The following SHANK1 variants were observed in gnomAD, a reference collection of about 807,000 sequenced individuals.
SHANK1 encodes the protein SH3 and multiple ankyrin repeat domains 1.
SHANK1 carries 35 observed loss-of-function variants against 165.6 expected under a neutral mutation model. That is an observed-to-expected ratio of 0.21 (90% CI 0.16 to 0.28). The LOEUF (loss-of-function observed/expected upper bound fraction) is 0.28. Among genes scored for constraint, SHANK1 ranks in the 10% least tolerant of loss-of-function variants. The pLI is 1.00. For synonymous variants in SHANK1, 1,428 were observed against 1,384.8 expected (o/e 1.03, Z -0.69); for missense variants, 2,681 against 3,036.4 (o/e 0.88, Z 2.75).
Position 50,662,755 on chromosome 19 carries a change from G to T in SHANK1, c.5769-73C>A. 1 of 1,522,628 alleles carries T rather than the reference G, an allele frequency of 6.6e-7. No individual in the cohort carries two copies. The highest frequency in any genetic ancestry group is 8.9e-7 in the Non-Finnish European group (1 of 1,124,204). 94.3% of individuals were successfully genotyped at this position (1,522,628 alleles called of 1,614,324 possible). On this transcript the variant is annotated intron_variant, in intron 23 of 23. Transcript: ENST00000293441. The surrounding 1 kb of genome is among the most constrained non-coding windows in gnomAD (Gnocchi z 7.7). ...CAAGGGCAGGGGTGAGAAAGAGGCA[G>T]AGGTCAAGATATAGGGAGAGAGGAG...
In SHANK1 at chr19:50,688,811, G is replaced by A; in HGVS notation, c.2172+33C>T. 1.3e-6 allele frequency: 2 copies of A among 1,592,722 alleles called. No individual in the cohort carries two copies. The highest frequency in any genetic ancestry group is 1.7e-6 in the Non-Finnish European group (2 of 1,167,876). Reference sequence around the variant, plus strand: ...TGAGGGGGTCTGGGAACTTGTCACAGGGTCCCAGGGAAGAGAGGGGGCCTG... The same window carrying A: ...TGAGGGGGTCTGGGAACTTGTCACAAGGTCCCAGGGAAGAGAGGGGGCCTG... On this transcript the variant is annotated intron_variant, in intron 17 of 23. Coordinates refer to ENST00000293441, the MANE Select transcript of SHANK1 (RefSeq NM_016148.5). The surrounding 1 kb of genome is among the most constrained non-coding windows in gnomAD (Gnocchi z 6.7).
chr19:50,710,370 C>T (rs1345004379), intron 8 of SHANK1, among the ~76,000 whole-genome samples: 1 of 152,166 alleles, frequency 6.6e-6, no homozygotes, highest in East Asian at 1.9e-4. Flanking sequence ...TGGAAGACTT[C>T]CTGGAGGAAG....
Position 50,697,050 on chromosome 19 carries a change from T to G in SHANK1, c.1964+46A>C. The G allele has an allele frequency of 6.9e-6, 10 of 1,452,944 alleles. No individual in the cohort carries two copies. Among genetic ancestry groups the G allele is most frequent in the Non-Finnish European group, 9.6e-6 (10 of 1,044,386 alleles). 90.0% of individuals were successfully genotyped at this position (1,452,944 alleles called of 1,614,324 possible). On this transcript the variant is annotated intron_variant, in intron 15 of 23. Transcript: ENST00000293441. This position sits in a 1 kb window ranked among gnomAD's most constrained non-coding sequence, Gnocchi z 4.7. ...GTTCACACGCCCCCCAGGCACCCCG[T>G]CCTTCCCCTCCTGACCCCATCCCCT... is the stretch of plus-strand genomic sequence containing the variant.
At position 50,668,712 on chromosome 19, in the gene SHANK1, C is replaced by G; in HGVS notation, c.3248G>C (p.Arg1083Pro). The change falls in exon 23 of 24, where the codon CGC becomes CCC. Residue 1083 changes from arginine (R) to proline (P), a missense_variant. By Grantham distance (103) the Arg-to-Pro change is moderately radical. Transcript: ENST00000293441. ...CGCCCGCGGGGGCAGCTGGAAATAGCGTAGAGCCGGGCCCTGGGAGGAGCC... is the reference window on the plus strand; with the variant it reads ...CGCCCGCGGGGGCAGCTGGAAATAGGGTAGAGCCGGGCCCTGGGAGGAGCC... ...GGGSSQGPAL[R>P]YFQLPPRAAS... 1 of 1,291,282 alleles carries G rather than the reference C, an allele frequency of 7.7e-7. No homozygotes were observed. Among genetic ancestry groups the G allele is most frequent in the Non-Finnish European group, 9.7e-7 (1 of 1,026,420 alleles). The allele number at this position is 1,291,282 out of a possible 1,614,324, so 80.0% of individuals were successfully genotyped here.
rs1265410577 is a variant in SHANK1, at chr19:50,666,682, G to A, written c.5278C>T (p.Arg1760Trp). ...QLMTPSKLRGRALGASGGLRP... is the reference protein window; with the variant it reads ...QLMTPSKLRGWALGASGGLRP... ...AGGCCTCCGCTGGCTCCTAGCGCCC[G>A]GCCCCGGAGCTTAGAGGGAGTCATG... The change falls in exon 23 of 24, where the codon CGG (arginine) becomes TGG (tryptophan). Residue 1760 changes from arginine to tryptophan, a missense_variant. Around this residue, in one of 10 missense-constraint regions of SHANK1, gnomAD observed 1,713 missense variants for 1,630.2 expected, o/e 1.05. Coordinates refer to ENST00000293441, the MANE Select transcript of SHANK1 (RefSeq NM_016148.5). The A allele has an allele frequency of 4.2e-5, 66 of 1,585,438 alleles. No homozygotes were observed. Among genetic ancestry groups the A allele is most frequent in the Non-Finnish European group, 5.6e-5 (65 of 1,168,692 alleles).
At position 50,702,542 on chromosome 19, in the gene SHANK1, A is replaced by T; in HGVS notation, c.1672T>A (p.Ser558Thr). The T allele has an allele frequency of 6.2e-7, 1 of 1,613,250 alleles. No individual in the cohort carries two copies. Among genetic ancestry groups the T allele is most frequent in the South Asian group, 1.1e-5 (1 of 91,036 alleles). The change falls in exon 12 of 24, where the codon TCC becomes ACC. Residue 558 changes from serine (S) to threonine (T), a missense_variant. Around this residue, in one of 10 missense-constraint regions of SHANK1, gnomAD observed 195 missense variants for 186.2 expected, o/e 1.05. Transcript: ENST00000293441. The surrounding 1 kb of genome is among the most constrained non-coding windows in gnomAD (Gnocchi z 5.3). ...RKLYSAVPGR[S>T]FMAVKSYQAQ... ...TGGTAGGACTTCACAGCCATGAAGGAGCGTCCGGGTACCGCTGAGTAGAGC... is the reference window on the plus strand; with the variant it reads ...TGGTAGGACTTCACAGCCATGAAGGTGCGTCCGGGTACCGCTGAGTAGAGC...
Position 50,686,114 on chromosome 19 carries a change from T to C in SHANK1, c.2577+123A>G. 1 of 499,984 alleles carries C rather than the reference T, an allele frequency of 2.0e-6. No individual in the cohort carries two copies. The highest frequency in any genetic ancestry group is 3.6e-6 in the Non-Finnish European group (1 of 281,416). 31.0% of individuals were successfully genotyped at this position (499,984 alleles called of 1,614,324 possible). On this transcript the variant is annotated intron_variant, in intron 21 of 23. Transcript: ENST00000293441. The surrounding 1 kb of genome is among the most constrained non-coding windows in gnomAD (Gnocchi z 5.7). ...AAAGGAGGAAACCCTAGGATGTGTGTCGCCCCTCCAGGACCAGCCTAAAGC... is the reference window on the plus strand; with the variant it reads ...AAAGGAGGAAACCCTAGGATGTGTGCCGCCCCTCCAGGACCAGCCTAAAGC...
In SHANK1 at chr19:50,659,355, G is replaced by A. The variant is rs2123047859; in HGVS notation, c.*2610C>T. The A allele has an allele frequency of 2.5e-6, 1 of 393,770 alleles. No homozygotes were observed. Among genetic ancestry groups the A allele is most frequent in the South Asian group, 1.2e-4 (1 of 8,388 alleles). The allele number at this position is 393,770 out of a possible 1,614,324, so 24.4% of individuals were successfully genotyped here. On this transcript the variant is annotated 3_prime_UTR_variant, in exon 24 of 24. Coordinates refer to ENST00000293441, the MANE Select transcript of SHANK1 (RefSeq NM_016148.5). ...GGTGGGGAGTCAGGGGAAGGGAGGTGATGGGGGGTAGGAATGAACCCCCAT... is the reference window on the plus strand; with the variant it reads ...GGTGGGGAGTCAGGGGAAGGGAGGTAATGGGGGGTAGGAATGAACCCCCAT...
intron 21 of SHANK1, among the ~76,000 whole-genome samples, chr19:50,675,727 C>T (rs968854851): frequency 1.4e-4 from 22 of 152,148 alleles, no homozygotes; most frequent in African/African-American, 4.8e-4. Flanking sequence ...TGGTGCCAGG[C>T]GCGGTGGCTC....
At chr19:50,682,500 TTAAG>T (rs2123119152) in intron 21 of SHANK1, among the ~76,000 whole-genome samples, 1 of 152,242 alleles carries the variant, frequency 6.6e-6, no homozygotes, top group African/African-American at 2.4e-5. Context: ...TGCAGAGAAA[TTAAG>T]TAACATGGTC....
intron 15 of SHANK1, among the ~76,000 whole-genome samples, chr19:50,694,676 G>A (rs1376428622): frequency 6.6e-6 from 1 of 150,554 alleles, no homozygotes; most frequent in Non-Finnish European, 1.5e-5. Flanking sequence ...GGGGAGGGTC[G>A]GGGAGAGGAT....
In SHANK1 at chr19:50,662,457, G is replaced by A. The variant is rs1399650824; in HGVS notation, c.5994C>T (p.Ala1998=). 3.2e-6 allele frequency: 5 copies of A among 1,550,178 alleles called. No homozygotes were observed. The highest frequency in any genetic ancestry group is 2.3e-5 in the East Asian group (1 of 42,744). ...AGGCGGGCAGCAGCGAGGGGCTGGG[G>A]GCCCGGCGGAGCAGAGGGGGCCGCA... is the stretch of plus-strand genomic sequence containing the variant. ...FEMRPPLLRR[A]PSPSLLPASE... Residue 1998 remains alanine, a synonymous_variant, in exon 24 of 24, where the codon GCC becomes GCT. Transcript: ENST00000293441. This position sits in a 1 kb window ranked among gnomAD's most constrained non-coding sequence, Gnocchi z 7.7.
chr19:50,696,664 GATCA>G (rs1339473263), intron 15 of SHANK1, among the ~76,000 whole-genome samples: 4 of 151,900 alleles, frequency 2.6e-5, no homozygotes, highest in Admixed American at 6.6e-5. Context: ...CTGAATCTCA[GATCA>G]ATCAGACAGA....
At chr19:50,699,164 G>C (rs933952975) in intron 12 of SHANK1, among the ~76,000 whole-genome samples, 1 of 152,210 alleles carries the variant, frequency 6.6e-6, no homozygotes, top group Non-Finnish European at 1.5e-5. Context: ...AGCAGGAGAT[G>C]GGTTGTCAAG....
chr19:50,690,578 C>T lies in SHANK1; in HGVS notation c.1965-1299G>A, dbSNP rs576130045. Among the ~76,000 whole-genome samples, 4 of 152,246 alleles carry T rather than the reference C, an allele frequency of 2.6e-5. No homozygotes were observed. The highest frequency in any genetic ancestry group is 4.8e-5 in the African/African-American group (2 of 41,532). Reference sequence around the variant, plus strand: ...TTGTAGCACCTCCCACCCTCACAATCCCAGTGTATTCCAATAATACCCAGA... The same window carrying T: ...TTGTAGCACCTCCCACCCTCACAATTCCAGTGTATTCCAATAATACCCAGA... On this transcript the variant is annotated intron_variant, in intron 15 of 23. Coordinates refer to ENST00000293441, the MANE Select transcript of SHANK1 (RefSeq NM_016148.5). This position sits in a 1 kb window ranked among gnomAD's most constrained non-coding sequence, Gnocchi z 4.9.
Position 50,697,240 on chromosome 19 carries a change from C to A in SHANK1, c.1938-118G>T. 7.1e-7 allele frequency: 1 copy of A among 1,406,480 alleles called. No homozygotes were observed. The highest frequency in any genetic ancestry group is 1.2e-5 in the South Asian group (1 of 84,298). The allele number at this position is 1,406,480 out of a possible 1,614,324, so 87.1% of individuals were successfully genotyped here. On this transcript the variant is annotated intron_variant, in intron 14 of 23. Coordinates refer to ENST00000293441, the MANE Select transcript of SHANK1 (RefSeq NM_016148.5). This position sits in a 1 kb window ranked among gnomAD's most constrained non-coding sequence, Gnocchi z 4.7. ...TCCCCACACCGGTGCATGGGACACACACATTCCCACTGCACATGACTGCAC... is the reference window on the plus strand; with the variant it reads ...TCCCCACACCGGTGCATGGGACACAAACATTCCCACTGCACATGACTGCAC...
chr19:50,662,333 T>C lies in SHANK1; in HGVS notation c.6118A>G (p.Thr2040Ala), dbSNP rs746895759. The C allele has an allele frequency of 1.4e-5, 22 of 1,604,738 alleles. No individual in the cohort carries two copies. Among genetic ancestry groups the C allele is most frequent in the East Asian group, 2.2e-5 (1 of 44,602 alleles). Residue 2040 changes from threonine (T) to alanine (A), a missense_variant, in exon 24 of 24, where the codon ACT becomes GCT. Thr to Ala is a moderately conservative substitution (Grantham distance 58). Transcript: ENST00000293441. This position sits in a 1 kb window ranked among gnomAD's most constrained non-coding sequence, Gnocchi z 7.7. ...PGLFDIRGSP[T>A]GGAGGSADPF... ...TCAGCCGAGCCTCCTGCCCCTCCAG[T>C]TGGGGAGCCACGGATGTCAAAGAGG...
intron 8 of SHANK1, 145 bp downstream of exon 8, chr19:50,711,226 A>C: frequency 1.6e-6 from 1 of 609,998 alleles, no homozygotes; most frequent in Admixed American, 2.7e-5. Flanking sequence ...GGAGGAATGA[A>C]TGGAGGAATG....
In SHANK1 at chr19:50,690,309, A is replaced by G. The variant is rs185611398; in HGVS notation, c.1965-1030T>C. On this transcript the variant is annotated intron_variant, in intron 15 of 23. Coordinates refer to ENST00000293441, the MANE Select transcript of SHANK1 (RefSeq NM_016148.5). The surrounding 1 kb of genome is among the most constrained non-coding windows in gnomAD (Gnocchi z 4.9). ...TGTCAATGAAACTCAGATACAGTTC[A>G]TGGATCTCAAGGCTCACTCAAACAG... Among the ~76,000 whole-genome samples, 1 of 152,258 alleles carries G rather than the reference A, an allele frequency of 6.6e-6. No homozygotes were observed. Among genetic ancestry groups the G allele is most frequent in the African/African-American group, 2.4e-5 (1 of 41,518 alleles).
Sources: gnomAD v4.1 joint callset for allele counts (sites outside exome capture counted in the v4.1 genomes callset) on GRCh38, gnomAD v4.1.1 for gene constraint, gnomAD v4.1.1 regional missense constraint, Gnocchi (gnomAD v3.1) non-coding constraint, MANE v1.5 for transcripts, NCBI Gene and HGNC (gene_info 2026-07-23, HGNC 2026-07-21) for gene names.